The following PYY variants were observed in gnomAD, a reference collection of about 807,000 sequenced individuals.
PYY encodes peptide tyrosine tyrosine.
Under a neutral mutation model 10.3 loss-of-function variants are expected in PYY, and 12 were observed. The observed-to-expected ratio is 1.17, with a 90% CI of 0.75 to 1.89. The LOEUF is 1.89. Among genes scored for constraint, PYY ranks in the 40% most tolerant of loss-of-function variants. PYY has a pLI of 0.00. For synonymous variants in PYY, 66 were observed against 62.0 expected, an observed-to-expected ratio of 1.06 and a Z score of -0.30; for missense variants, 141 against 134.0, an observed-to-expected ratio of 1.05 and a Z score of -0.26.
intron 1 of PYY, among the ~76,000 whole-genome samples, chr17:43,999,402 G>A (rs993051011): frequency 6.6e-6 from 1 of 152,048 alleles, no homozygotes; most frequent in Non-Finnish European, 1.5e-5. Flanking sequence ...GCAACATTTA[G>A]TTGATCCCAG....
intron 1 of PYY, among the ~76,000 whole-genome samples, chr17:43,990,060 C>T (rs1414179580): frequency 6.6e-6 from 1 of 151,380 alleles, no homozygotes; most frequent in African/African-American, 2.4e-5. Context: ...ATTAATCAAG[C>T]TCACAGATGG....
intron 1 of PYY, among the ~76,000 whole-genome samples, chr17:43,990,444 A>C (rs1401540910): frequency 1.3e-5 from 2 of 150,346 alleles, no homozygotes; most frequent in South Asian, 4.2e-4. Flanking sequence ...ATCTCAAAAA[A>C]AAAAAAAAAA....
chr17:43,990,651 T>A (rs1421118346), intron 1 of PYY, among the ~76,000 whole-genome samples: 1 of 152,006 alleles, frequency 6.6e-6, no homozygotes, highest in Non-Finnish European at 1.5e-5. Flanking sequence ...TCATTTATAA[T>A]AGCAAAAACT....
At chr17:43,974,909 G>A (rs1011851077) in intron 1 of PYY, among the ~76,000 whole-genome samples, 1 of 152,010 alleles carries the variant, frequency 6.6e-6, no homozygotes, top group Non-Finnish European at 1.5e-5. Context: ...TGGGGGGGAG[G>A]ATAGGGAAAA....
chr17:43,968,334 A>G (rs2048767849), intron 1 of PYY, among the ~76,000 whole-genome samples: 2 of 152,230 alleles, frequency 1.3e-5, no homozygotes, highest in African/African-American at 2.4e-5. Flanking sequence ...AGAGCGGGAT[A>G]ACTAAAGAAG....
intron 1 of PYY, among the ~76,000 whole-genome samples, chr17:43,986,664 T>C (rs912583963): frequency 4.6e-5 from 7 of 152,100 alleles, no homozygotes; most frequent in African/African-American, 9.7e-5. Flanking sequence ...ACCACAGATA[T>C]TGGGGAAAAA....
intron 2 of PYY, among the ~76,000 whole-genome samples, chr17:43,963,571 AAAGAAAGAAAGAAAG>A (rs1472085586): frequency 7.0e-4 from 20 of 28,576 alleles, no homozygotes; most frequent in African/African-American, 2.7e-3. Context: ...GAAGGAAGGA[AAAGAAAGAAAGAAAG>A]AAAGAAAGAA....
intron 1 of PYY, among the ~76,000 whole-genome samples, chr17:43,975,015 C>T (rs966052514): frequency 2.0e-5 from 3 of 152,158 alleles, no homozygotes; most frequent in Non-Finnish European, 4.4e-5. Flanking sequence ...AGCAGCCTCT[C>T]ATTTAATTAG....
intron 2 of PYY, among the ~76,000 whole-genome samples, chr17:43,965,393 A>G (rs1237837691): frequency 6.6e-6 from 1 of 151,826 alleles, no homozygotes; most frequent in African/African-American, 2.4e-5. Flanking sequence ...AGACAGCAGA[A>G]TCATTTGAAC....
chr17:43,995,123 G>T (rs1597859660), intron 1 of PYY, among the ~76,000 whole-genome samples: 1 of 152,286 alleles, frequency 6.6e-6, no homozygotes, highest in East Asian at 1.9e-4. Context: ...GCGCAAAGTG[G>T]AATCCCTGTC....
chr17:43,956,418 A>AAC (rs1555616513), upstream of PYY, among the ~76,000 whole-genome samples: 35 of 150,278 alleles, frequency 2.3e-4, no homozygotes, highest in Non-Finnish European at 1.5e-5. Flanking sequence ...GGGCTCAGCC[A>AAC]CCCCCCGATC....
At chr17:43,960,344 ACCAG>A (rs2143898029) in intron 2 of PYY, among the ~76,000 whole-genome samples, 1 of 151,358 alleles carries the variant, frequency 6.6e-6, no homozygotes, top group African/African-American at 2.4e-5. Context: ...GGAGTTCTAG[ACCAG>A]CCTGGCCAAC....
chr17:43,970,460 T>C (rs1348465985), intron 1 of PYY, among the ~76,000 whole-genome samples: 1 of 151,394 alleles, frequency 6.6e-6, no homozygotes, highest in Non-Finnish European at 1.5e-5. Flanking sequence ...TGAGCTGAGA[T>C]TGCACCATTG....
rs138375613 is a variant in PYY at position 43,953,334 on chromosome 17, G to A, written c.150C>T (p.Ala50=). Residue 50 remains alanine (A), a synonymous_variant, in exon 2 of 4, where the codon GCC becomes GCT. Transcript: ENST00000692052. ...ASPEELNRYY[A]SLRHYLNLVT... ...CCAGGTTGAGGTAGTGGCGCAGGGA[G>A]GCGTAGTAGCGGTTCAGCTCCTCCG... 2.1e-3 allele frequency: 3,466 copies of A among 1,612,964 alleles called. 12 individuals are homozygous for A. Among genetic ancestry groups the A allele is most frequent in the Middle Eastern group, 0.019 (115 of 6,056 alleles).
At position 43,987,254 on chromosome 17, in the gene PYY, G is replaced by A. The variant is rs961505169; in HGVS notation, c.-463+17137C>T. 7.9e-5 allele frequency among the ~76,000 whole-genome samples: 12 copies of A among 152,158 alleles called. No individual in the cohort carries two copies. The highest frequency in any genetic ancestry group is 4.2e-4 in the South Asian group (2 of 4,814). On this transcript the variant is annotated intron_variant, in intron 1 of 6. Transcript: ENST00000360085. This position sits in a 1 kb window ranked among gnomAD's most constrained non-coding sequence, Gnocchi z 4.0. ...GAAAATGGGGCTTCCCTCCCTCCCCGCCGCTGCTCTCTGACTTAATTACTT... is the reference window on the plus strand; with the variant it reads ...GAAAATGGGGCTTCCCTCCCTCCCCACCGCTGCTCTCTGACTTAATTACTT...
chr17:43,997,890 T>C (rs1044554516), intron 1 of PYY, among the ~76,000 whole-genome samples: 3 of 152,066 alleles, frequency 2.0e-5, no homozygotes, highest in Non-Finnish European at 4.4e-5. Context: ...TACTGACTAA[T>C]TGGACATAGG....
At chr17:43,993,459 CAAA>C (rs752399900) in intron 1 of PYY, among the ~76,000 whole-genome samples, 2 of 102,632 alleles carry the variant, frequency 1.9e-5, no homozygotes. Context: ...ACTCCATCTC[CAAA>C]AAAAAAAAAA....
chr17:43,965,474 C>A (rs983285220), intron 2 of PYY, among the ~76,000 whole-genome samples: 2 of 140,570 alleles, frequency 1.4e-5, no homozygotes, highest in Non-Finnish European at 3.0e-5. Context: ...GAGTGAGACT[C>A]CGTATCAAAA....
At chr17:43,992,211 G>A (rs1274869926) in intron 1 of PYY, among the ~76,000 whole-genome samples, 2 of 151,554 alleles carry the variant, frequency 1.3e-5, no homozygotes, top group African/African-American at 2.4e-5. Flanking sequence ...ATAAGGGAAC[G>A]TTTTATGCAC....
Sources: gnomAD v4.1 joint callset for allele counts (sites outside exome capture counted in the v4.1 genomes callset) on GRCh38, gnomAD v4.1.1 for gene constraint, Gnocchi (gnomAD v3.1) non-coding constraint, MANE v1.5 for transcripts, NCBI Gene and HGNC (gene_info 2026-07-23, HGNC 2026-07-21) for gene names.